The following LSR variants were observed in gnomAD, a reference collection of about 807,000 sequenced individuals.
LSR encodes lipolysis-stimulated lipoprotein receptor.
Under a neutral mutation model 61.8 loss-of-function variants are expected in LSR, and 44 were observed. The observed-to-expected ratio is 0.71, with a 90% confidence interval of 0.56 to 0.91. LSR has a LOEUF of 0.91. LSR is among the 40% of genes least tolerant of loss of function. LSR has a pLI of 0.00. For synonymous variants in LSR, 397 were observed against 350.6 expected (o/e 1.13, Z -1.48); for missense variants, 911 against 830.5 (o/e 1.10, Z -1.19).
chr19:35,259,299 A>C lies in LSR; in HGVS notation c.574+235A>C, dbSNP rs1216185176. On this transcript the variant is annotated intron_variant, in intron 3 of 9. Coordinates refer to ENST00000605618, the MANE Select transcript of LSR (RefSeq NM_205834.4). ...CCAAGCCAAACTAAGAGAAGAGTGG[A>C]GACAATTGGAGACTCTGCCTTTTCA... The C allele has an allele frequency of 7.2e-6, 3 of 416,466 alleles. No homozygotes were observed. The East Asian group carries it at 1.3e-4, about 18-fold the overall frequency. The allele number at this position is 416,466 out of a possible 1,614,324, so 25.8% of individuals were successfully genotyped here.
chr19:35,257,214 G>GA (rs1472868746), intron 2 of LSR, among the ~76,000 whole-genome samples: 3 of 152,128 alleles, frequency 2.0e-5, no homozygotes, highest in Non-Finnish European at 4.4e-5. Context: ...AGACAGACAG[G>GA]GCTCTGCCTC....
intron 3 of LSR, among the ~76,000 whole-genome samples, chr19:35,261,470 C>G (rs912867980): frequency 5.3e-5 from 8 of 152,138 alleles, no homozygotes; most frequent in African/African-American, 1.9e-4. Context: ...TCGCCTGAGC[C>G]CACGAGGTTG....
Position 35,259,043 on chromosome 19 carries a change from T to G in LSR, c.553T>G (p.Tyr185Asp). 1 of 1,613,782 alleles carries G rather than the reference T, an allele frequency of 6.2e-7. No homozygotes were observed. Among genetic ancestry groups the G allele is most frequent in the East Asian group, 2.2e-5 (1 of 44,878 alleles). Reference protein sequence around the residue: ...AQDLQGNNEAYAELIVLGRTS... With the variant: ...AQDLQGNNEADAELIVLGRTS... ...GGACCTCCAGGGGAACAATGAGGCCTACGCAGAGCTCATCGTCCTTGGTGA... is the reference window on the plus strand; with the variant it reads ...GGACCTCCAGGGGAACAATGAGGCCGACGCAGAGCTCATCGTCCTTGGTGA... The change falls in exon 3 of 10, where the codon TAC becomes GAC. Residue 185 changes from tyrosine (Y) to aspartate (D), a missense_variant. Coordinates refer to ENST00000605618, the MANE Select transcript of LSR (RefSeq NM_205834.4).
At chr19:35,264,905 A>C (rs946563295) in intron 5 of LSR, 1 of 152,006 alleles carries the variant, frequency 6.6e-6, no homozygotes, top group Admixed American at 6.6e-5. Flanking sequence ...GTAGTGACTG[A>C]GGGACAGGGC....
intron 5 of LSR, among the ~76,000 whole-genome samples, chr19:35,265,189 GAGTA>G (rs752063353): frequency 6.6e-6 from 1 of 152,144 alleles, no homozygotes; most frequent in Non-Finnish European, 1.5e-5. Flanking sequence ...TTTGCTCAGT[GAGTA>G]AGTGTTAGGT....
chr19:35,250,919 C>A (rs528075234), intron 2 of LSR, among the ~76,000 whole-genome samples: 8 of 152,062 alleles, frequency 5.3e-5, no homozygotes, highest in Admixed American at 5.2e-4. Context: ...CCTCAGCCTC[C>A]CGAGTAGCTG....
intron 2 of LSR, among the ~76,000 whole-genome samples, chr19:35,256,699 G>GATGA (rs71167530): frequency 0.018 from 2,709 of 150,708 alleles, 49 homozygotes; most frequent in East Asian, 0.1. Context: ...ATTGTTGAAG[G>GATGA]ATGAATGAAT....
chr19:35,249,374 A>C, intron 1 of LSR: 1 of 505,966 alleles, frequency 2.0e-6, no homozygotes, highest in South Asian at 3.0e-5. Context: ...GGACGGTGAG[A>C]CCCGGAGCGG....
At chr19:35,266,039 T>C (rs2065993072) in intron 5 of LSR, among the ~76,000 whole-genome samples, 1 of 152,230 alleles carries the variant, frequency 6.6e-6, no homozygotes, top group South Asian at 2.1e-4. Context: ...AACCTTTTGA[T>C]TGACAAATGT....
chr19:35,265,119 C>T (rs182797476), intron 5 of LSR, among the ~76,000 whole-genome samples: 187 of 152,332 alleles, frequency 1.2e-3, no homozygotes, highest in African/African-American at 4.3e-3. Flanking sequence ...TCCACTGCTC[C>T]CTGGAGGCTT....
At chr19:35,265,162 T>G (rs1304992859) in intron 5 of LSR, among the ~76,000 whole-genome samples, 1 of 152,226 alleles carries the variant, frequency 6.6e-6, no homozygotes, top group African/African-American at 2.4e-5. Flanking sequence ...CCTCTTGTTG[T>G]GTTCAGCTGA....
rs781583381 is a variant in LSR, at chr19:35,266,957, TG to T, written c.1135del (p.Val379TrpfsTer5). On this transcript the variant is annotated frameshift_variant, in exon 8 of 10. Transcript: ENST00000605618. LOFTEE classifies it high-confidence loss of function. Reference protein sequence around the residue: ...PSRPGPPSGRVERAMSEVTSL... With the variant: ...PSRPGPPSGRXERAMSEVTSL... ...CTCGACCTGGCCCCCCCAGTGGCCG[TG>T]TGGAGCGGGGTAAGCAGGAGCCTTG... 1 of 1,612,564 alleles carries T rather than the reference TG, an allele frequency of 6.2e-7. No individual in the cohort carries two copies. The highest frequency in any genetic ancestry group is 1.3e-5 in the African/African-American group (1 of 74,992).
In LSR at chr19:35,266,833, T is replaced by C. The variant is rs878949861; in HGVS notation, c.1013-3T>C. On this transcript the variant is annotated splice_polypyrimidine_tract_variant and splice_region_variant and intron_variant, in intron 7 of 9. Coordinates refer to ENST00000605618, the MANE Select transcript of LSR (RefSeq NM_205834.4). ...AAACCGACCACCACCCCCCTGTCCCTAGAAGTCCGCAGTGGCTACAGGATT... is the reference window on the plus strand; with the variant it reads ...AAACCGACCACCACCCCCCTGTCCCCAGAAGTCCGCAGTGGCTACAGGATT... 1.2e-6 allele frequency: 2 copies of C among 1,607,388 alleles called. No homozygotes were observed. The highest frequency in any genetic ancestry group is 1.7e-6 in the Non-Finnish European group (2 of 1,176,682).
Position 35,249,361 on chromosome 19 carries a change from C to T in LSR, c.109+230C>T, listed in dbSNP as rs1051685440. The T allele has an allele frequency of 7.4e-6, 4 of 541,434 alleles. No individual in the cohort carries two copies. The East Asian group carries it at 1.4e-4, about 19-fold the overall frequency. The allele number at this position is 541,434 out of a possible 1,614,324, so 33.5% of individuals were successfully genotyped here. ...TGGAAGATAGCAGGAAGTGAAACTC[C>T]CTGGACGGTGAGACCCGGAGCGGCA... is the stretch of plus-strand genomic sequence containing the variant. On this transcript the variant is annotated intron_variant, in intron 1 of 9. Transcript: ENST00000605618.
chr19:35,257,551 G>C (rs1195549596), intron 2 of LSR, among the ~76,000 whole-genome samples: 1 of 152,184 alleles, frequency 6.6e-6, no homozygotes, highest in Non-Finnish European at 1.5e-5. Flanking sequence ...GGGGGTGCCA[G>C]GTGCTGTGGA....
chr19:35,267,340 A>G lies in LSR; in HGVS notation c.1376A>G (p.Glu459Gly). 1 of 1,574,322 alleles carries G rather than the reference A, an allele frequency of 6.4e-7. No individual in the cohort carries two copies. Among genetic ancestry groups the G allele is most frequent in the African/African-American group, 1.4e-5 (1 of 73,892 alleles). ...LDDLTPPSTA[E>G]SGSRSPTSNG... Reference sequence around the variant, plus strand: ...GACCTCACCCCGCCGAGCACCGCCGAGTCAGGGAGCAGGTCTCCCACGAGT... The same window carrying G: ...GACCTCACCCCGCCGAGCACCGCCGGGTCAGGGAGCAGGTCTCCCACGAGT... The change falls in exon 9 of 10, where the codon GAG becomes GGG. Residue 459 changes from glutamate to glycine, a missense_variant. Transcript: ENST00000605618.
chr19:35,250,954 C>G (rs911274586), intron 2 of LSR, among the ~76,000 whole-genome samples: 3 of 151,974 alleles, frequency 2.0e-5, no homozygotes, highest in Admixed American at 2.0e-4. Context: ...TGCCACCACG[C>G]CCAGTTAATT....
At position 35,267,847 on chromosome 19, in the gene LSR, T is replaced by C. The variant is rs779619580; in HGVS notation, c.1794T>C (p.Ser598=). ...AGAACTTGGCCCTGAGTCGGGAAAGTTTAGTCGTCTGATCTGACGTTTTCT... is the reference window on the plus strand; with the variant it reads ...AGAACTTGGCCCTGAGTCGGGAAAGCTTAGTCGTCTGATCTGACGTTTTCT... ...LKKNLALSRE[S]LVV is the part of the protein sequence containing the mutation. The change falls in exon 10 of 10, where the codon AGT becomes AGC. Residue 598 remains serine, a synonymous_variant. Transcript: ENST00000605618. 66 of 1,613,696 alleles carry C rather than the reference T, an allele frequency of 4.1e-5. No homozygotes were observed. Among genetic ancestry groups the C allele is most frequent in the Non-Finnish European group, 5.5e-5 (65 of 1,179,898 alleles).
intron 5 of LSR, chr19:35,264,822 T>C (rs2065975506): frequency 6.6e-6 from 1 of 152,180 alleles, no homozygotes; most frequent in African/African-American, 2.4e-5. Context: ...GTGCACACCA[T>C]TGAGCATGGG....
Sources: gnomAD v4.1 joint callset for allele counts (sites outside exome capture counted in the v4.1 genomes callset) on GRCh38, gnomAD v4.1.1 for gene constraint, MANE v1.5 for transcripts, NCBI Gene and HGNC (gene_info 2026-07-23, HGNC 2026-07-21) for gene names.